CAPZB: variants seen among roughly 807,000 people sequenced by gnomAD.
CAPZB encodes the protein F-actin-capping protein subunit beta.
Under a neutral mutation model 38.1 loss-of-function variants are expected in CAPZB, and 2 were observed. The ratio of observed to expected loss-of-function variants is 0.05; its 90% CI spans 0.02 to 0.17. The LOEUF (loss-of-function observed/expected upper bound fraction) is 0.17. Among genes scored for constraint, CAPZB ranks in the 10% least tolerant of loss-of-function variants. The pLI, the probability that CAPZB is intolerant of heterozygous loss-of-function variation, is 1.00. For missense variants in CAPZB, 161 were observed against 334.2 expected, an observed-to-expected ratio of 0.48 and a Z score of 4.04; for synonymous variants, 107 against 127.4, an observed-to-expected ratio of 0.84 and a Z score of 1.08.
At chr1:19,433,396 G>C (rs908824274) in intron 1 of CAPZB, among the ~76,000 whole-genome samples, 1 of 152,168 alleles carries the variant, frequency 6.6e-6, no homozygotes, top group African/African-American at 2.4e-5. Flanking sequence ...GTTCACTGAC[G>C]AAGGCTAAGA....
At chr1:19,400,317 A>G (rs2100348775) in intron 2 of CAPZB, among the ~76,000 whole-genome samples, 1 of 152,294 alleles carries the variant, frequency 6.6e-6, no homozygotes, top group South Asian at 2.1e-4. Context: ...CCCAGGCTCC[A>G]ACTACAAAAC....
At chr1:19,395,457 A>G (rs769549778) in intron 2 of CAPZB, among the ~76,000 whole-genome samples, 1 of 152,196 alleles carries the variant, frequency 6.6e-6, no homozygotes, top group Non-Finnish European at 1.5e-5. Context: ...TCAGCCATTC[A>G]TACTCCAAAC....
At chr1:19,467,842 G>A (rs1231496511) in intron 1 of CAPZB, among the ~76,000 whole-genome samples, 1 of 152,148 alleles carries the variant, frequency 6.6e-6, no homozygotes, top group Non-Finnish European at 1.5e-5. Flanking sequence ...CCCCGACATC[G>A]TTTCCACACC....
In CAPZB at chr1:19,414,412, C is replaced by T. The variant is rs78940461; in HGVS notation, c.93+5249G>A. Among the ~76,000 whole-genome samples, 60 of 152,268 alleles carry T rather than the reference C, an allele frequency of 3.9e-4. No homozygotes were observed. In the East Asian group the frequency reaches 0.01, roughly 26 times the overall value. The stretch of plus-strand genomic sequence containing the variant: ...CGGTAAAAAATCAGGATGTCTCTTC[C>T]ACCTTTACCTCACTGGCCTGGATAC... On this transcript the variant is annotated intron_variant, in intron 2 of 8. Coordinates refer to ENST00000264202, the MANE Select transcript of CAPZB (RefSeq NM_004930.5).
chr1:19,442,009 C>CAAAACAAAAAAAAAA (rs1553287699), intron 1 of CAPZB, among the ~76,000 whole-genome samples: 2 of 86,058 alleles, frequency 2.3e-5, no homozygotes, highest in Non-Finnish European at 2.1e-5. Context: ...ACTCTGTCTC[C>CAAAACAAAAAAAAAA]AAAAAAAAAA....
chr1:19,448,009 G>C (rs2094502288), intron 1 of CAPZB, among the ~76,000 whole-genome samples: 1 of 152,186 alleles, frequency 6.6e-6, no homozygotes, highest in Non-Finnish European at 1.5e-5. Context: ...TTACTCGAGG[G>C]AACTGTGAAA....
intron 1 of CAPZB, among the ~76,000 whole-genome samples, chr1:19,431,299 C>T (rs565300252): frequency 2.0e-5 from 3 of 152,330 alleles, no homozygotes; most frequent in Non-Finnish European, 4.4e-5. Context: ...TGCAAATATT[C>T]AAAATCTGAA....
intron 4 of CAPZB, among the ~76,000 whole-genome samples, chr1:19,367,427 T>A (rs1394576768): frequency 6.6e-6 from 1 of 152,152 alleles, no homozygotes; most frequent in Non-Finnish European, 1.5e-5. Flanking sequence ...CCTGGAAGTG[T>A]CCGTCAGAAA....
intron 2 of CAPZB, among the ~76,000 whole-genome samples, chr1:19,388,252 G>C (rs1359166035): frequency 6.6e-6 from 1 of 152,092 alleles, no homozygotes; most frequent in East Asian, 1.9e-4. Flanking sequence ...TTTTTTCATT[G>C]ATCAGTTATC....
intron 8 of CAPZB, chr1:19,342,883 A>G: frequency 2.8e-6 from 4 of 1,438,240 alleles, no homozygotes; most frequent in Non-Finnish European, 3.9e-6. Flanking sequence ...AGTGTTCAAG[A>G]TGAGTGGAGT....
At chr1:19,448,967 G>C (rs1282623482) in intron 1 of CAPZB, 5 of 1,608,200 alleles carry the variant, frequency 3.1e-6, no homozygotes, top group Non-Finnish European at 4.2e-6. Flanking sequence ...GGAGGCGAGG[G>C]GGCAAGAGGA....
At chr1:19,339,688 C>T (rs1326013293) in intron 8 of CAPZB, 71 bp from the exon 9 acceptor site, 15 of 1,163,318 alleles carry the variant, frequency 1.3e-5, no homozygotes. Context: ...CTGGGGGCCA[C>T]CATGCCAGTG....
intron 1 of CAPZB, among the ~76,000 whole-genome samples, chr1:19,451,756 T>C (rs925214233): frequency 1.3e-5 from 2 of 151,918 alleles, no homozygotes; most frequent in Non-Finnish European, 2.9e-5. Flanking sequence ...AATCTATTTA[T>C]TATGGCCTCC....
chr1:19,470,759 A>G (rs763139072), intron 1 of CAPZB, among the ~76,000 whole-genome samples: 6 of 152,244 alleles, frequency 3.9e-5, no homozygotes, highest in Non-Finnish European at 8.8e-5. Context: ...ACTTATTGGC[A>G]ATTTATATAA....
intron 2 of CAPZB, among the ~76,000 whole-genome samples, chr1:19,403,486 T>C (rs1355635842): frequency 2.6e-5 from 4 of 152,208 alleles, no homozygotes; most frequent in Non-Finnish European, 4.4e-5. Context: ...GGCACAGGCC[T>C]GGGAGTGTGC....
chr1:19,435,183 G>A (rs558410975), intron 1 of CAPZB, among the ~76,000 whole-genome samples: 3 of 152,214 alleles, frequency 2.0e-5, no homozygotes, highest in South Asian at 4.1e-4. Flanking sequence ...CTTTACTAGT[G>A]GAAACATTAT....
rs548107617 is a variant in CAPZB, at chr1:19,468,110, A to G, written c.3+17326T>C. Among the ~76,000 whole-genome samples the G allele has an allele frequency of 3.3e-5, 5 of 152,348 alleles. No individual in the cohort carries two copies. The East Asian group carries it at 9.6e-4, about 29-fold the overall frequency. On this transcript the variant is annotated intron_variant, in intron 1 of 8. Coordinates refer to ENST00000264202, the MANE Select transcript of CAPZB (RefSeq NM_004930.5). ...AGAGTGAGACCCCGCCTCCTAAAAA[A>G]GGGGGCTAGGCACTGACAATATGAA...
chr1:19,428,251 A>G (rs2094430275), intron 1 of CAPZB, among the ~76,000 whole-genome samples: 1 of 152,068 alleles, frequency 6.6e-6, no homozygotes, highest in African/African-American at 2.4e-5. Context: ...AAAAATACAA[A>G]AATTAGCAGG....
At chr1:19,414,636 G>A (rs1383384576) in intron 2 of CAPZB, among the ~76,000 whole-genome samples, 2 of 152,200 alleles carry the variant, frequency 1.3e-5, no homozygotes, top group Non-Finnish European at 2.9e-5. Context: ...GGCAAAGGAT[G>A]GAAGGCCTGC....
Sources: gnomAD v4.1 joint callset for allele counts (sites outside exome capture counted in the v4.1 genomes callset) on GRCh38, gnomAD v4.1.1 for gene constraint, MANE v1.5 for transcripts, NCBI Gene and HGNC (gene_info 2026-07-23, HGNC 2026-07-21) for gene names.